The following SCUBE2 variants were observed in gnomAD, a reference collection of about 807,000 sequenced individuals.
The protein encoded by SCUBE2 is signal peptide, CUB domain and EGF like domain containing 2, also known as signal peptide, CUB and EGF-like domain-containing protein 2.
SCUBE2 carries 114 observed loss-of-function variants against 125.9 expected under a neutral mutation model. The ratio of observed to expected loss-of-function variants is 0.91; its 90% CI spans 0.78 to 1.06. The LOEUF is 1.06. Ranked by LOEUF, SCUBE2 falls within the 50% of genes least tolerant of loss-of-function variation. The pLI is 0.00. For missense variants in SCUBE2, 1,255 were observed against 1,301.8 expected, an observed-to-expected ratio of 0.96 and a Z score of 0.55; for synonymous variants, 459 against 492.9, an observed-to-expected ratio of 0.93 and a Z score of 0.91.
intron 16 of SCUBE2, among the ~76,000 whole-genome samples, chr11:9,044,833 C>T (rs1034859608): frequency 6.6e-6 from 1 of 152,192 alleles, no homozygotes; most frequent in African/African-American, 2.4e-5. Flanking sequence ...CCCCAGATAT[C>T]TCCATAGCTT....
intron 16 of SCUBE2, among the ~76,000 whole-genome samples, chr11:9,037,406 C>T (rs1356581686): frequency 2.6e-5 from 4 of 152,286 alleles, no homozygotes; most frequent in East Asian, 3.9e-4. Context: ...GGATTAATGG[C>T]GACAAAGAAG....
At chr11:9,054,883 C>T (rs894226807) in intron 10 of SCUBE2, among the ~76,000 whole-genome samples, 16 of 151,084 alleles carry the variant, frequency 1.1e-4, no homozygotes, top group African/African-American at 3.2e-4. Flanking sequence ...TACAGGCATG[C>T]GCCACCACGC....
chr11:9,050,735 TG>T, intron 13 of SCUBE2, 25 bp from the exon 14 acceptor site: 1 of 1,578,332 alleles, frequency 6.3e-7, no homozygotes, highest in Non-Finnish European at 8.7e-7. Context: ...AAGTGAGAGA[TG>T]TTACCTTCAG....
chr11:9,022,085 A>C, intron 21 of SCUBE2, 130 bp from the exon 22 acceptor site: 2 of 662,498 alleles, frequency 3.0e-6, no homozygotes, highest in Non-Finnish European at 2.7e-6. Flanking sequence ...CTGCTTACTG[A>C]GAAGACAGTC....
chr11:9,024,524 T>C, intron 21 of SCUBE2: 1 of 624,130 alleles, frequency 1.6e-6, no homozygotes, highest in Non-Finnish European at 2.5e-6. Flanking sequence ...TTCAGTGGCT[T>C]CCTCTAAGAT....
intron 16 of SCUBE2, among the ~76,000 whole-genome samples, chr11:9,036,498 G>A (rs1856764069): frequency 6.6e-6 from 1 of 152,154 alleles, no homozygotes; most frequent in African/African-American, 2.4e-5. Flanking sequence ...TCATGAAGCA[G>A]GTAAAACCAA....
Position 9,091,569 on chromosome 11 carries a change from G to T in SCUBE2, c.-41C>A, listed in dbSNP as rs1165733950. On this transcript the variant is annotated 5_prime_UTR_variant, in exon 1 of 23. Coordinates refer to ENST00000649792, the MANE Select transcript of SCUBE2 (RefSeq NM_001367977.2). This position sits in a 1 kb window ranked among gnomAD's most constrained non-coding sequence, Gnocchi z 8.5. The stretch of plus-strand genomic sequence containing the variant: ...TGCGGGCAGAGGCGGCGGAGTGCGG[G>T]CGGTGGCGGCGGCGGCGCGGGGAGG... 4.6e-6 allele frequency: 2 copies of T among 436,198 alleles called. No homozygotes were observed. Among genetic ancestry groups the T allele is most frequent in the African/African-American group, 2.1e-5 (1 of 47,346 alleles). 27.0% of individuals were successfully genotyped at this position (436,198 alleles called of 1,614,324 possible).
chr11:9,040,506 C>T (rs372783176), intron 16 of SCUBE2, among the ~76,000 whole-genome samples: 22 of 133,444 alleles, frequency 1.6e-4, no homozygotes, highest in South Asian at 8.0e-4. Context: ...CGTGGGTACG[C>T]AGGAGAAAGG....
intron 16 of SCUBE2, among the ~76,000 whole-genome samples, chr11:9,042,311 A>G (rs1488117066): frequency 2.0e-5 from 3 of 152,058 alleles, no homozygotes; most frequent in Non-Finnish European, 2.9e-5. Context: ...CTTCGTCCCC[A>G]TGGCATGAAT....
In SCUBE2 at chr11:9,038,075, C is replaced by T. The variant is rs529912241; in HGVS notation, c.2003-4279G>A. ...TCATTCAATAAGTACTTATTGAGCA[C>T]TCATTATGTGCTGAGTACCGTTCTA... On this transcript the variant is annotated intron_variant, in intron 16 of 22. Transcript: ENST00000649792. Among the ~76,000 whole-genome samples the T allele has an allele frequency of 4.3e-4, 66 of 151,866 alleles. 2 individuals carry two copies. In the South Asian group the frequency reaches 8.4e-3, roughly 19 times the overall value.
chr11:9,071,252 T>C (rs1431308430), intron 4 of SCUBE2, among the ~76,000 whole-genome samples: 2 of 152,212 alleles, frequency 1.3e-5, no homozygotes, highest in Non-Finnish European at 2.9e-5. Context: ...TTTCACTCTG[T>C]TTACAAGACT....
intron 16 of SCUBE2, among the ~76,000 whole-genome samples, chr11:9,038,592 G>A (rs1450408797): frequency 6.6e-6 from 1 of 152,152 alleles, no homozygotes; most frequent in Non-Finnish European, 1.5e-5. Flanking sequence ...TCCAGCCTGG[G>A]TGACAGAGCA....
intron 2 of SCUBE2, among the ~76,000 whole-genome samples, chr11:9,087,822 A>G (rs1862238778): frequency 6.6e-6 from 1 of 152,218 alleles, no homozygotes; most frequent in African/African-American, 2.4e-5. Context: ...CTATGCTAAG[A>G]CAAGGAGATG....
intron 4 of SCUBE2, among the ~76,000 whole-genome samples, chr11:9,071,805 C>T (rs1049780722): frequency 3.3e-5 from 5 of 152,218 alleles, no homozygotes; most frequent in Non-Finnish European, 5.9e-5. Flanking sequence ...CACCCTGACA[C>T]CTTCCCTGTT....
intron 7 of SCUBE2, 61 bp downstream of exon 7, chr11:9,065,830 A>G (rs1354458027): frequency 4.9e-6 from 7 of 1,439,506 alleles, no homozygotes; most frequent in South Asian, 1.1e-5. Context: ...GTCTGATGCA[A>G]TAAGTTGGGG....
At chr11:9,022,685 T>C (rs1030869461) in intron 21 of SCUBE2, 1 of 152,580 alleles carries the variant, frequency 6.6e-6, no homozygotes, top group African/African-American at 2.4e-5. Context: ...CAGGACACCA[T>C]GCTCTTTGGT....
intron 2 of SCUBE2, among the ~76,000 whole-genome samples, chr11:9,086,912 A>G (rs1862127124): frequency 1.3e-5 from 2 of 151,988 alleles, no homozygotes; most frequent in Admixed American, 6.5e-5. Context: ...AAATACTACA[A>G]ATATTCAAAA....
chr11:9,060,622 G>A (rs1032116478), intron 7 of SCUBE2, 98 bp from the exon 8 acceptor site: 17 of 935,164 alleles, frequency 1.8e-5, no homozygotes, highest in Non-Finnish European at 2.7e-5. Flanking sequence ...GGGTACTCAT[G>A]GTCATACCCC....
intron 16 of SCUBE2, 111 bp downstream of exon 16, chr11:9,047,245 C>T: frequency 9.1e-7 from 1 of 1,095,680 alleles, no homozygotes; most frequent in Non-Finnish European, 1.4e-6. Context: ...CCGGAGTGTT[C>T]TCTAAAGTGA....
Sources: allele counts gnomAD v4.1 joint callset (sites outside exome capture counted in the v4.1 genomes callset), GRCh38; gene constraint gnomAD v4.1.1; non-coding constraint Gnocchi (gnomAD v3.1); transcripts MANE v1.5; gene names NCBI Gene and HGNC (gene_info 2026-07-23, HGNC 2026-07-21).